CALN1: variants seen among roughly 807,000 people sequenced by gnomAD.
CALN1 encodes the protein calneuron 1.
A neutral mutation model predicts 30.6 loss-of-function variants in CALN1; 17 were observed. That is an observed-to-expected ratio of 0.56 (90% CI 0.38 to 0.83). The LOEUF (loss-of-function observed/expected upper bound fraction) is 0.83. CALN1 is among the 40% of genes least tolerant of loss of function. The probability of loss-of-function intolerance (pLI) is 0.00; values close to 1 mark genes in which losing one functional copy is unlikely to be tolerated. For missense variants in CALN1, 291 were observed against 354.9 expected (o/e 0.82, Z 1.45); for synonymous variants, 156 against 131.4 (o/e 1.19, Z -1.28).
At chr7:72,316,447 C>T (rs1800452209) in intron 2 of CALN1, among the ~76,000 whole-genome samples, 1 of 151,862 alleles carries the variant, frequency 6.6e-6, no homozygotes, top group Non-Finnish European at 1.5e-5. Flanking sequence ...ATGCTGCAAC[C>T]CCTTCAGATA....
the CALN1 span, among the ~76,000 whole-genome samples, chr7:72,490,846 T>C: frequency 1.3e-5 from 2 of 152,216 alleles, no homozygotes; most frequent in South Asian, 4.1e-4. Context: ...CTTTTCTTCA[T>C]AAATTACTCA....
intron 3 of CALN1, among the ~76,000 whole-genome samples, chr7:72,140,538 C>T (rs77628818): frequency 0.026 from 3,964 of 152,268 alleles, 185 homozygotes; most frequent in African/African-American, 0.09. Flanking sequence ...CCTCTCCCTC[C>T]TATCAAAGGA....
At chr7:72,493,456 A>C in the CALN1 span, among the ~76,000 whole-genome samples, 2 of 151,808 alleles carry the variant, frequency 1.3e-5, no homozygotes, top group East Asian at 3.9e-4. Context: ...CTCCTGACTC[A>C]GCCTCCCGAG....
At chr7:71,934,628 G>A (rs1795734535) in intron 5 of CALN1, among the ~76,000 whole-genome samples, 1 of 152,120 alleles carries the variant, frequency 6.6e-6, no homozygotes, top group African/African-American at 2.4e-5. Flanking sequence ...CATGGGGAGG[G>A]CACCAAGCCA....
chr7:72,471,895 G>A, the CALN1 span, among the ~76,000 whole-genome samples: 5 of 152,008 alleles, frequency 3.3e-5, no homozygotes. Context: ...TAAACTCCTG[G>A]GTCAAGGAAT....
the CALN1 span, among the ~76,000 whole-genome samples, chr7:72,502,827 T>A: frequency 6.6e-6 from 1 of 152,174 alleles, no homozygotes; most frequent in Non-Finnish European, 1.5e-5. Flanking sequence ...ATTGTCTCAT[T>A]TTTTTCCTTT....
chr7:72,363,827 A>C (rs1387595404), intron 2 of CALN1, among the ~76,000 whole-genome samples: 1 of 147,792 alleles, frequency 6.8e-6, no homozygotes, highest in Non-Finnish European at 1.5e-5. Context: ...TCCTGGGTTC[A>C]AGTGATTTGC....
the CALN1 span, among the ~76,000 whole-genome samples, chr7:72,499,866 T>C: frequency 0.21 from 14,163 of 68,806 alleles, 2,614 homozygotes; most frequent in Non-Finnish European, 0.23. Flanking sequence ...TCTTTCTTTC[T>C]TTCTTTCTTT....
the CALN1 span, among the ~76,000 whole-genome samples, chr7:72,503,001 A>G: frequency 6.6e-6 from 1 of 152,158 alleles, no homozygotes; most frequent in Non-Finnish European, 1.5e-5. Flanking sequence ...AAAAATATAA[A>G]AATTAGCCAG....
At chr7:72,308,043 G>A (rs1799767405) in intron 2 of CALN1, among the ~76,000 whole-genome samples, 1 of 152,144 alleles carries the variant, frequency 6.6e-6, no homozygotes, top group African/African-American at 2.4e-5. Context: ...CTTTGCTCAA[G>A]ATGTGTAATA....
intron 4 of CALN1, among the ~76,000 whole-genome samples, chr7:72,098,762 G>GCACACACACACACACACACACACA (rs1491515765): frequency 2.6e-5 from 3 of 115,294 alleles, no homozygotes; most frequent in African/African-American, 1.0e-4. Flanking sequence ...CCCATTTGGC[G>GCACACACACACACACACACACACA]CGCACACACA....
chr7:72,488,114 G>A, the CALN1 span, among the ~76,000 whole-genome samples: 2 of 151,844 alleles, frequency 1.3e-5, no homozygotes, highest in South Asian at 4.2e-4. Flanking sequence ...AATCACTTGA[G>A]CCCAGGTGTT....
chr7:72,130,457 G>A (rs1809062626), intron 3 of CALN1, among the ~76,000 whole-genome samples: 1 of 152,136 alleles, frequency 6.6e-6, no homozygotes, highest in Non-Finnish European at 1.5e-5. Flanking sequence ...ATGGGTCGGT[G>A]GTATAGTGGG....
At chr7:71,956,800 G>A (rs989658357) in intron 5 of CALN1, among the ~76,000 whole-genome samples, 11 of 152,048 alleles carry the variant, frequency 7.2e-5, no homozygotes, top group Admixed American at 5.2e-4. Flanking sequence ...AGGTTCAAGC[G>A]ATTCTCCTGT....
At chr7:72,374,911 C>T (rs1352025490) in intron 2 of CALN1, among the ~76,000 whole-genome samples, 1 of 152,136 alleles carries the variant, frequency 6.6e-6, no homozygotes, top group Non-Finnish European at 1.5e-5. Flanking sequence ...CATCTGTAAA[C>T]ACTGTGATTT....
chr7:72,107,105 C>A (rs949931082), intron 3 of CALN1, among the ~76,000 whole-genome samples: 2 of 152,082 alleles, frequency 1.3e-5, no homozygotes, highest in African/African-American at 4.8e-5. Flanking sequence ...AGGAGGCACA[C>A]AATTAGATGG....
chr7:72,448,120 G>C (rs544786332), upstream of CALN1, among the ~76,000 whole-genome samples: 7 of 151,872 alleles, frequency 4.6e-5, no homozygotes, highest in South Asian at 1.2e-3. Flanking sequence ...ATGTCTGCCC[G>C]TACACCCATA....
At chr7:72,126,947 C>T (rs747859281) in intron 3 of CALN1, among the ~76,000 whole-genome samples, 34 of 151,730 alleles carry the variant, frequency 2.2e-4, no homozygotes, top group Admixed American at 2.0e-4. Context: ...TCCATGTAAC[C>T]GAAAACCACC....
intron 5 of CALN1, among the ~76,000 whole-genome samples, chr7:71,820,294 T>A (rs536634420): frequency 6.6e-6 from 1 of 152,174 alleles, no homozygotes; most frequent in South Asian, 2.1e-4. Flanking sequence ...CCCACCAACC[T>A]CCAGTTGTCC....
Sources: allele counts gnomAD v4.1 joint callset (sites outside exome capture counted in the v4.1 genomes callset), GRCh38; gene constraint gnomAD v4.1.1; transcripts MANE v1.5; gene names NCBI Gene and HGNC (gene_info 2026-07-23, HGNC 2026-07-21).